Variants in STPG2 observed in about 807,000 individuals in gnomAD.
STPG2 encodes the protein sperm-tail PG-rich repeat-containing protein 2.
In STPG2, 56 loss-of-function variants were observed where a neutral mutation model predicts 54.2. The observed-to-expected ratio is 1.03, with a 90% confidence interval of 0.83 to 1.29. STPG2 has a LOEUF of 1.29. Ranked by LOEUF, STPG2 falls within the 50% of genes most tolerant of loss-of-function variation. STPG2 has a pLI of 0.00. For synonymous variants in STPG2, 200 were observed against 181.8 expected (o/e 1.10, Z -0.81); for missense variants, 596 against 544.9 (o/e 1.09, Z -0.93).
chr4:97,473,418 G>A (rs1729992543), intron 4 of STPG2, among the ~76,000 whole-genome samples: 1 of 152,100 alleles, frequency 6.6e-6, no homozygotes, highest in Non-Finnish European at 1.5e-5. Context: ...CGAAACCGTA[G>A]GGATGAAATC....
chr4:97,462,289 T>C (rs576469505), intron 4 of STPG2, among the ~76,000 whole-genome samples: 104 of 152,162 alleles, frequency 6.8e-4, no homozygotes, highest in African/African-American at 2.3e-3. Context: ...CAATGTCATA[T>C]TGTCTTACTT....
In STPG2 at chr4:97,729,192, A is replaced by G. The variant is rs932198583; in HGVS notation, c.1205-16378T>C. 6.5e-5 allele frequency among the ~76,000 whole-genome samples: 9 copies of G among 137,714 alleles called. No homozygotes were observed. In the South Asian group the frequency reaches 6.6e-4, roughly 10 times the overall value. The allele number at this position is 137,714 out of a possible 152,430, so 90.3% of individuals were successfully genotyped here. A position where few individuals can be genotyped will look rare whatever the true frequency, so the allele number is the denominator to read the frequency against. On this transcript the variant is annotated intron_variant, in intron 9 of 10. Coordinates refer to ENST00000295268, the MANE Select transcript of STPG2 (RefSeq NM_174952.3). ...TCAGGCCCTCATCTAATTTCTGTTG[A>G]AAAAAAAAAGCATCTATTATCAACT...
intron 8 of STPG2, among the ~76,000 whole-genome samples, chr4:97,870,027 T>G (rs1387144609): frequency 1.3e-5 from 2 of 151,618 alleles, no homozygotes; most frequent in African/African-American, 2.4e-5. Flanking sequence ...ACACAATTAT[T>G]TCTCCTTATG....
At chr4:97,691,328 G>T (rs917809027) in intron 10 of STPG2, among the ~76,000 whole-genome samples, 1 of 152,100 alleles carries the variant, frequency 6.6e-6, no homozygotes, top group Non-Finnish European at 1.5e-5. Context: ...GTGCTGTTGT[G>T]GGGGCATGAT....
chr4:97,594,391 G>A (rs867245943), intron 10 of STPG2, among the ~76,000 whole-genome samples: 1 of 152,090 alleles, frequency 6.6e-6, no homozygotes, highest in Non-Finnish European at 1.5e-5. Context: ...GCAAAGCTGA[G>A]GAAAGAATCT....
intron 4 of STPG2, among the ~76,000 whole-genome samples, chr4:97,447,261 T>C (rs1262233579): frequency 6.6e-6 from 1 of 152,204 alleles, no homozygotes; most frequent in Non-Finnish European, 1.5e-5. Flanking sequence ...AAAAGGCACG[T>C]GGAGCATAAA....
chr4:98,097,592 C>G (rs1199387482), intron 5 of STPG2, among the ~76,000 whole-genome samples: 6 of 152,110 alleles, frequency 3.9e-5, no homozygotes, highest in African/African-American at 1.4e-4. Context: ...ACTTTCACCA[C>G]TGTTACTCAA....
chr4:97,487,769 C>A (rs1730404204), intron 4 of STPG2, among the ~76,000 whole-genome samples: 1 of 151,284 alleles, frequency 6.6e-6, no homozygotes. Context: ...TTCAAAACTG[C>A]ACTATTCCAT....
chr4:97,822,880 T>C (rs1441866420), intron 9 of STPG2, among the ~76,000 whole-genome samples: 1 of 152,190 alleles, frequency 6.6e-6, no homozygotes, highest in African/African-American at 2.4e-5. Context: ...GGAGAAAGTT[T>C]GAGTGGTCTA....
chr4:97,473,749 C>T (rs561176518), intron 4 of STPG2, among the ~76,000 whole-genome samples: 43 of 152,260 alleles, frequency 2.8e-4, no homozygotes, highest in South Asian at 6.2e-4. Context: ...GGGGGCATCA[C>T]GGAACCTACT....
At chr4:97,700,726 C>T (rs891455313) in intron 10 of STPG2, among the ~76,000 whole-genome samples, 19 of 152,154 alleles carry the variant, frequency 1.2e-4, no homozygotes, top group African/African-American at 4.6e-4. Flanking sequence ...TGACAAAAAG[C>T]CAGAAGTTGA....
chr4:97,489,799 C>G (rs1578338985), intron 4 of STPG2: 1 of 151,388 alleles, frequency 6.6e-6, no homozygotes, highest in East Asian at 1.9e-4. Flanking sequence ...GGGTGAAGAT[C>G]TCTACCCCGA....
At chr4:97,542,230 G>A (rs1005161539) in intron 4 of STPG2, among the ~76,000 whole-genome samples, 5 of 152,200 alleles carry the variant, frequency 3.3e-5, no homozygotes, top group Admixed American at 3.3e-4. Flanking sequence ...TCTGACAAAG[G>A]GCTAATATCC....
intron 8 of STPG2, among the ~76,000 whole-genome samples, chr4:97,907,628 C>T (rs945147579): frequency 2.6e-5 from 4 of 152,126 alleles, no homozygotes; most frequent in South Asian, 2.1e-4. Context: ...TACTACAAGG[C>T]TACAGTAACC....
At chr4:97,959,024 C>T (rs1320239487) in intron 7 of STPG2, among the ~76,000 whole-genome samples, 1 of 151,872 alleles carries the variant, frequency 6.6e-6, no homozygotes, top group East Asian at 1.9e-4. Flanking sequence ...TACAAGCACT[C>T]TTTCAGACCA....
At chr4:98,072,438 A>AGCTAATGGATGTTGG (rs1738031848) in intron 5 of STPG2, among the ~76,000 whole-genome samples, 1 of 152,134 alleles carries the variant, frequency 6.6e-6, no homozygotes, top group Non-Finnish European at 1.5e-5. Context: ...CAGGAATAAC[A>AGCTAATGGATGTTGG]GCTAATGGAT....
chr4:97,538,657 G>A (rs201299494), intron 4 of STPG2, among the ~76,000 whole-genome samples: 1 of 152,228 alleles, frequency 6.6e-6, no homozygotes, highest in South Asian at 2.1e-4. Context: ...ACCTAGCAAG[G>A]CAGGCCAAAA....
chr4:97,955,189 CA>C (rs1395581926), intron 7 of STPG2, among the ~76,000 whole-genome samples: 1 of 146,216 alleles, frequency 6.8e-6, no homozygotes, highest in Non-Finnish European at 1.5e-5. Flanking sequence ...AGCATGAAAG[CA>C]AAAAAAGTTG....
intron 5 of STPG2, among the ~76,000 whole-genome samples, chr4:98,071,492 A>G (rs1257111470): frequency 6.6e-6 from 1 of 152,226 alleles, no homozygotes; most frequent in African/African-American, 2.4e-5. Context: ...ACCATTCAGG[A>G]CATAGGCACA....
Sources: allele counts gnomAD v4.1 joint callset (sites outside exome capture counted in the v4.1 genomes callset), GRCh38; gene constraint gnomAD v4.1.1; transcripts MANE v1.5; gene names NCBI Gene and HGNC (gene_info 2026-07-23, HGNC 2026-07-21).